DMD: variants seen among roughly 807,000 people sequenced by gnomAD.
DMD encodes mutant dystrophin.
Under a neutral mutation model 330.1 loss-of-function variants are expected in DMD, and 63 were observed. The ratio of observed to expected loss-of-function variants is 0.19; its 90% CI spans 0.16 to 0.24. The LOEUF (loss-of-function observed/expected upper bound fraction) is 0.24, where lower values mean the gene tolerates loss of function less well. Among genes scored for constraint, DMD ranks in the 10% least tolerant of loss-of-function variants. The pLI, the probability that DMD is intolerant of heterozygous loss-of-function variation, is 1.00. For synonymous variants in DMD, 1,223 were observed against 959.8 expected, an observed-to-expected ratio of 1.27 and a Z score of -5.07; for missense variants, 3,344 against 2,684.1, an observed-to-expected ratio of 1.25 and a Z score of -5.43.
At chrX:32,728,169 AC>A (rs1279020692) in intron 7 of DMD, among the ~76,000 whole-genome samples, 3 of 111,047 alleles carry the variant, frequency 2.7e-5, no homozygotes, top group African/African-American at 9.8e-5. Context: ...TTGTACTAAA[AC>A]TTGTCTAGAA....
intron 7 of DMD, among the ~76,000 whole-genome samples, chrX:32,782,384 A>T (rs1457553983): frequency 8.9e-6 from 1 of 111,951 alleles, no homozygotes; most frequent in Admixed American, 9.5e-5. Flanking sequence ...CAAAGGACAT[A>T]ATCTTTCTGG....
chrX:33,161,874 A>G (rs979955296), intron 1 of DMD, among the ~76,000 whole-genome samples: 7 of 112,398 alleles, frequency 6.2e-5, no homozygotes, highest in African/African-American at 2.3e-4. Flanking sequence ...TTGCATTCAT[A>G]TTTCCAAAAT....
chrX:32,456,766 G>C (rs1046405680), intron 25 of DMD, among the ~76,000 whole-genome samples: 1 of 108,610 alleles, frequency 9.2e-6, no homozygotes, highest in South Asian at 4.0e-4. Flanking sequence ...GTGGGATTTG[G>C]CTTGAATAAG....
chrX:32,531,635 T>C (rs896145398), intron 17 of DMD, among the ~76,000 whole-genome samples: 2 of 111,678 alleles, frequency 1.8e-5, no homozygotes, highest in African/African-American at 6.5e-5. Context: ...AAGTTGAAGA[T>C]CTTCATTTAG....
At chrX:31,857,218 A>C (rs2093626766) in intron 48 of DMD, among the ~76,000 whole-genome samples, 1 of 108,059 alleles carries the variant, frequency 9.3e-6, no homozygotes, top group African/African-American at 3.4e-5. Flanking sequence ...GTCTCTACTA[A>C]AAATACAAAA....
intron 62 of DMD, among the ~76,000 whole-genome samples, chrX:31,263,683 C>G (rs2050745831): frequency 8.9e-6 from 1 of 111,785 alleles, no homozygotes; most frequent in Admixed American, 9.5e-5. Flanking sequence ...TTCTCACCTT[C>G]AACACACAAA....
intron 1 of DMD, among the ~76,000 whole-genome samples, chrX:33,236,560 C>A (rs766272799): frequency 9.0e-6 from 1 of 111,071 alleles, no homozygotes; most frequent in South Asian, 3.8e-4. Context: ...CCACCGCGTC[C>A]GGACTCTCCT....
chrX:32,754,538 T>G (rs2071246270), intron 7 of DMD, among the ~76,000 whole-genome samples: 2 of 72,576 alleles, frequency 2.8e-5, no homozygotes, highest in African/African-American at 7.8e-5. Context: ...CAAATAGAAA[T>G]AAACCATTAA....
At chrX:31,174,754 G>A (rs2040341524) in intron 71 of DMD, among the ~76,000 whole-genome samples, 1 of 111,641 alleles carries the variant, frequency 9.0e-6, no homozygotes, top group South Asian at 3.7e-4. Context: ...CAGTAGCTAA[G>A]CTTGCATTAG....
At chrX:31,174,513 T>G (rs1156519757) in intron 71 of DMD, among the ~76,000 whole-genome samples, 2 of 111,240 alleles carry the variant, frequency 1.8e-5, no homozygotes, top group African/African-American at 6.5e-5. Flanking sequence ...GAAAACCAGT[T>G]TAGGCTTGGA....
chrX:32,348,478 T>A lies in DMD; in HGVS notation c.5376A>T (p.Lys1792Asn). 9.1e-6 allele frequency: 11 copies of A among 1,207,346 alleles called. No homozygotes were observed. The highest frequency in any genetic ancestry group is 1.2e-5 in the Non-Finnish European group (11 of 892,113). ...ELEQFNSDIQ[K>N]LLEPLEAEIQ... ...TTTCAGCCTCCAGTGGTTCAAGCAA[T>A]TTTTGTATATCTGAGTTAAACTGCT... The change falls in exon 38 of 79, where the codon AAA (lysine) becomes AAT (asparagine). Residue 1792 changes from lysine (K) to asparagine (N), a missense_variant. Coordinates refer to ENST00000357033, the MANE Select transcript of DMD (RefSeq NM_004006.3).
chrX:32,642,989 C>A (rs1004414857), intron 11 of DMD, among the ~76,000 whole-genome samples: 1 of 111,416 alleles, frequency 9.0e-6, no homozygotes, highest in Non-Finnish European at 1.9e-5. Context: ...CCACAGAAGG[C>A]AGCTTATATC....
chrX:32,639,027 T>A (rs773654450), intron 11 of DMD, among the ~76,000 whole-genome samples: 1 of 111,873 alleles, frequency 8.9e-6, no homozygotes, highest in East Asian at 2.8e-4. Context: ...TCTCTCCTCC[T>A]GCTGATATAA....
intron 18 of DMD, among the ~76,000 whole-genome samples, chrX:32,512,967 G>C (rs1333665978): frequency 8.9e-6 from 1 of 111,926 alleles, no homozygotes; most frequent in Non-Finnish European, 1.9e-5. Flanking sequence ...GGAATGCAGA[G>C]AGGCTAAAGC....
At chrX:32,869,386 T>G (rs182443220) in intron 2 of DMD, among the ~76,000 whole-genome samples, 133 of 110,417 alleles carry the variant, frequency 1.2e-3, no homozygotes, top group African/African-American at 4.3e-3. Flanking sequence ...GGCACAGAAG[T>G]GGACAGAGGC....
chrX:32,678,657 C>T (rs754274739), intron 9 of DMD, among the ~76,000 whole-genome samples: 5 of 111,394 alleles, frequency 4.5e-5, no homozygotes, highest in Non-Finnish European at 9.4e-5. Context: ...GTGATCCCTT[C>T]TCTACTCCTC....
At chrX:32,667,850 A>G (rs1002154952) in intron 9 of DMD, among the ~76,000 whole-genome samples, 4 of 107,100 alleles carry the variant, frequency 3.7e-5, no homozygotes, top group Non-Finnish European at 7.7e-5. Flanking sequence ...ACTTAAAAAT[A>G]CCCTTAAGGC....
At chrX:32,651,909 G>A (rs922418322) in intron 9 of DMD, among the ~76,000 whole-genome samples, 10 of 111,857 alleles carry the variant, frequency 8.9e-5, no homozygotes, top group East Asian at 8.5e-4. Context: ...TCCACCATTC[G>A]AACTCTGCGC....
intron 2 of DMD, among the ~76,000 whole-genome samples, chrX:32,951,142 G>A (rs1257708675): frequency 9.0e-6 from 1 of 111,220 alleles, no homozygotes; most frequent in Admixed American, 9.7e-5. Context: ...AAGCCATGGG[G>A]TAAAACTACT....
Sources: gnomAD v4.1 joint callset for allele counts (sites outside exome capture counted in the v4.1 genomes callset) on GRCh38, gnomAD v4.1.1 for gene constraint, MANE v1.5 for transcripts, NCBI Gene and HGNC (gene_info 2026-07-23, HGNC 2026-07-21) for gene names.